The following LRRTM4 variants were observed in gnomAD, a reference collection of about 807,000 sequenced individuals.
LRRTM4 encodes the protein leucine-rich repeat transmembrane neuronal protein 4.
Under a neutral mutation model 47.6 loss-of-function variants are expected in LRRTM4, and 25 were observed. That is an observed-to-expected ratio of 0.53 (90% CI 0.38 to 0.73). The LOEUF is 0.73. LRRTM4 is among the 30% of genes least tolerant of loss of function. The pLI is 0.00. For synonymous variants in LRRTM4, 311 were observed against 269.5 expected, an observed-to-expected ratio of 1.15 and a Z score of -1.51; for missense variants, 638 against 713.4, an observed-to-expected ratio of 0.89 and a Z score of 1.20.
chr2:77,328,335 C>A (rs1670855127), intron 3 of LRRTM4, among the ~76,000 whole-genome samples: 1 of 152,118 alleles, frequency 6.6e-6, no homozygotes, highest in Non-Finnish European at 1.5e-5. Flanking sequence ...GCAACCTTGC[C>A]AGCTTTGGAT....
chr2:77,178,539 T>A (rs1233619366), intron 3 of LRRTM4, among the ~76,000 whole-genome samples: 1 of 152,022 alleles, frequency 6.6e-6, no homozygotes, highest in Admixed American at 6.5e-5. Flanking sequence ...TGAGTCAAGA[T>A]CGCGCCACTG....
In LRRTM4 at chr2:77,518,357, C is replaced by G; in HGVS notation, c.1512G>C (p.Gly504=). The part of the protein sequence containing the change: ...ETMDISVNGS[G]PCTYTISGSR... ...AGCCAGAGATGGTATATGTGCAGGG[C>G]CCAGATCCATTAACCGATATATCCA... The change falls in exon 3 of 4, where the codon GGG becomes GGC. Residue 504 remains glycine (G), a synonymous_variant. Transcript: ENST00000409884. The G allele has an allele frequency of 6.2e-7, 1 of 1,612,278 alleles. No homozygotes were observed. Among genetic ancestry groups the G allele is most frequent in the Non-Finnish European group, 8.5e-7 (1 of 1,179,174 alleles).
chr2:76,869,436 G>T (rs1672561341), intron 3 of LRRTM4, among the ~76,000 whole-genome samples: 1 of 152,098 alleles, frequency 6.6e-6, no homozygotes, highest in African/African-American at 2.4e-5. Flanking sequence ...CTTCCATTAG[G>T]CTTGTCTTAA....
chr2:76,900,298 G>C (rs1296692765), intron 3 of LRRTM4, among the ~76,000 whole-genome samples: 1 of 151,538 alleles, frequency 6.6e-6, no homozygotes, highest in East Asian at 2.0e-4. Context: ...GACGTATAGA[G>C]TGTGGGATAC....
chr2:77,029,082 A>T (rs34287182), intron 3 of LRRTM4, among the ~76,000 whole-genome samples: 6,628 of 144,736 alleles, frequency 0.046, 537 homozygotes, highest in African/African-American at 0.16. Flanking sequence ...ATATATATAT[A>T]TTATATATAT....
At chr2:77,416,556 T>TA (rs1674642625) in intron 3 of LRRTM4, among the ~76,000 whole-genome samples, 1 of 152,060 alleles carries the variant, frequency 6.6e-6, no homozygotes, top group South Asian at 2.1e-4. Context: ...ATTCTCAATT[T>TA]AAAAAATCAG....
At chr2:77,044,677 A>G (rs1310339926) in intron 3 of LRRTM4, among the ~76,000 whole-genome samples, 1 of 151,652 alleles carries the variant, frequency 6.6e-6, no homozygotes, top group African/African-American at 2.4e-5. Flanking sequence ...ACACATATAC[A>G]CACATATTAC....
In LRRTM4 at chr2:77,028,096, ATTAT is replaced by A. The variant is rs1215528751; in HGVS notation, c.1552-279184_1552-279181del. On this transcript the variant is annotated intron_variant, in intron 3 of 3. Transcript: ENST00000409884. ...TGCTCAAATTAAAAACATATAAGTA[ATTAT>A]TTATTGCAGTATCTCTGTTAGGCTC... Among the ~76,000 whole-genome samples the A allele has an allele frequency of 2.0e-5, 3 of 152,158 alleles. No homozygotes were observed. In the East Asian group the frequency reaches 5.8e-4, roughly 29 times the overall value.
intron 3 of LRRTM4, among the ~76,000 whole-genome samples, chr2:77,085,819 AATAT>A (rs1680691919): frequency 6.6e-6 from 1 of 152,256 alleles, no homozygotes; most frequent in African/African-American, 2.4e-5. Context: ...GCTAATGTAA[AATAT>A]ATAGAGCTAA....
At chr2:77,279,904 C>T (rs1239400587) in intron 3 of LRRTM4, among the ~76,000 whole-genome samples, 1 of 151,940 alleles carries the variant, frequency 6.6e-6, no homozygotes, top group Non-Finnish European at 1.5e-5. Context: ...TAGAATTTCA[C>T]TCTTGCCATA....
At chr2:77,045,322 CCTTTT>C (rs1558546872) in intron 3 of LRRTM4, among the ~76,000 whole-genome samples, 1 of 151,560 alleles carries the variant, frequency 6.6e-6, no homozygotes, top group Non-Finnish European at 1.5e-5. Flanking sequence ...TTTCCTCATT[CCTTTT>C]ATCTATTATT....
At chr2:76,795,834 A>C (rs2103740246) in intron 3 of LRRTM4, among the ~76,000 whole-genome samples, 1 of 152,192 alleles carries the variant, frequency 6.6e-6, no homozygotes, top group Middle Eastern at 3.4e-3. Flanking sequence ...AAATAGGAAC[A>C]GCTCCTGTCT....
chr2:76,910,033 A>T (rs1396626696), intron 3 of LRRTM4, among the ~76,000 whole-genome samples: 9 of 152,180 alleles, frequency 5.9e-5, no homozygotes, highest in Non-Finnish European at 1.2e-4. Flanking sequence ...GCTGCTATAA[A>T]GACACATGAA....
chr2:77,260,598 T>C (rs1052752564), intron 3 of LRRTM4, among the ~76,000 whole-genome samples: 1 of 152,074 alleles, frequency 6.6e-6, no homozygotes, highest in African/African-American at 2.4e-5. Context: ...TAGTTCTTGA[T>C]GCAATTAAGA....
At chr2:77,158,842 C>A (rs911872041) in intron 3 of LRRTM4, among the ~76,000 whole-genome samples, 1 of 151,120 alleles carries the variant, frequency 6.6e-6, no homozygotes, top group African/African-American at 2.4e-5. Context: ...TATAATTGTA[C>A]AATAATAAAC....
intron 3 of LRRTM4, among the ~76,000 whole-genome samples, chr2:77,243,501 A>G (rs950094530): frequency 7.9e-5 from 12 of 151,616 alleles, no homozygotes; most frequent in African/African-American, 2.9e-4. Context: ...AAATTTATAG[A>G]GATAGAAAGT....
intron 3 of LRRTM4, among the ~76,000 whole-genome samples, chr2:77,301,715 C>T (rs1367778877): frequency 6.6e-6 from 1 of 152,090 alleles, no homozygotes; most frequent in Non-Finnish European, 1.5e-5. Flanking sequence ...ATATTTCTCC[C>T]TATGTTTGAA....
intron 3 of LRRTM4, among the ~76,000 whole-genome samples, chr2:77,415,687 C>T (rs1286611784): frequency 6.6e-6 from 1 of 151,926 alleles, no homozygotes; most frequent in Non-Finnish European, 1.5e-5. Context: ...TCTTGAATTC[C>T]TTTTACAGGT....
chr2:77,512,314 T>C (rs1220970475), intron 3 of LRRTM4, among the ~76,000 whole-genome samples: 1 of 152,110 alleles, frequency 6.6e-6, no homozygotes, highest in Non-Finnish European at 1.5e-5. Flanking sequence ...GTGCTTTTTT[T>C]CTCAACCTTT....
Sources: gnomAD v4.1 joint callset for allele counts (sites outside exome capture counted in the v4.1 genomes callset) on GRCh38, gnomAD v4.1.1 for gene constraint, MANE v1.5 for transcripts, NCBI Gene and HGNC (gene_info 2026-07-23, HGNC 2026-07-21) for gene names.